The following SYNDIG1 variants were observed in gnomAD, a reference collection of about 807,000 sequenced individuals.
SYNDIG1 encodes synapse differentiation inducing 1, also known as synapse differentiation-inducing gene protein 1.
A neutral mutation model predicts 19.4 loss-of-function variants in SYNDIG1; 9 were observed. The ratio of observed to expected loss-of-function variants is 0.46; its 90% CI spans 0.28 to 0.81. The LOEUF is 0.81. SYNDIG1 is among the 30% of genes least tolerant of loss of function. SYNDIG1 has a pLI of 0.12. For synonymous variants in SYNDIG1, 141 were observed against 145.9 expected, an observed-to-expected ratio of 0.97 and a Z score of 0.24; for missense variants, 311 against 343.3, an observed-to-expected ratio of 0.91 and a Z score of 0.74.
At chr20:24,655,420 C>T (rs777495207) in intron 3 of SYNDIG1, among the ~76,000 whole-genome samples, 1 of 152,108 alleles carries the variant, frequency 6.6e-6, no homozygotes, top group East Asian at 1.9e-4. Context: ...TCCAAGAAAG[C>T]GAACTCTTCA....
intron 3 of SYNDIG1, among the ~76,000 whole-genome samples, chr20:24,639,541 T>G (rs2059350588): frequency 6.6e-6 from 1 of 152,212 alleles, no homozygotes; most frequent in African/African-American, 2.4e-5. Context: ...ATGGGGACAC[T>G]GCCACCACCC....
chr20:24,488,124 G>A (rs546350924), intron 1 of SYNDIG1, among the ~76,000 whole-genome samples: 18 of 152,198 alleles, frequency 1.2e-4, no homozygotes, highest in Admixed American at 3.9e-4. Context: ...AGAAAAAAAT[G>A]GACTAGAAAT....
At chr20:24,532,128 T>A (rs1293595968) in intron 1 of SYNDIG1, among the ~76,000 whole-genome samples, 1 of 152,182 alleles carries the variant, frequency 6.6e-6, no homozygotes, top group Non-Finnish European at 1.5e-5. Flanking sequence ...TTATTCTCAC[T>A]ATATACCTGC....
chr20:24,538,809 G>C (rs2057411937), intron 1 of SYNDIG1, among the ~76,000 whole-genome samples: 1 of 151,346 alleles, frequency 6.6e-6, no homozygotes, highest in Non-Finnish European at 1.5e-5. Context: ...CAGTGAGTAT[G>C]AGGTCATATC....
At chr20:24,617,537 G>A (rs1425056727) in intron 3 of SYNDIG1, among the ~76,000 whole-genome samples, 1 of 152,172 alleles carries the variant, frequency 6.6e-6, no homozygotes, top group Non-Finnish European at 1.5e-5. Context: ...CTGAGAACTC[G>A]ACTTTGTCAG....
chr20:24,661,903 G>A (rs1006042462), intron 3 of SYNDIG1, among the ~76,000 whole-genome samples: 11 of 152,222 alleles, frequency 7.2e-5, no homozygotes, highest in Non-Finnish European at 5.9e-5. Flanking sequence ...AGGGTGGGGG[G>A]TTCCACCAGA....
intron 2 of SYNDIG1, among the ~76,000 whole-genome samples, chr20:24,545,134 G>A (rs1409727565): frequency 6.6e-6 from 1 of 152,218 alleles, no homozygotes; most frequent in Non-Finnish European, 1.5e-5. Flanking sequence ...GGAGCTGAGA[G>A]ATCCAGCGTT....
intron 1 of SYNDIG1, among the ~76,000 whole-genome samples, chr20:24,524,465 G>A (rs1345646772): frequency 1.3e-5 from 2 of 152,108 alleles, no homozygotes; most frequent in African/African-American, 4.8e-5. Context: ...CTAACAAGGC[G>A]AAACCCCGTC....
At chr20:24,518,584 A>G (rs577390605) in intron 1 of SYNDIG1, among the ~76,000 whole-genome samples, 4 of 152,338 alleles carry the variant, frequency 2.6e-5, no homozygotes, top group African/African-American at 9.6e-5. Context: ...TACAAGAGAA[A>G]TTCCTTGTTT....
chr20:24,560,275 T>C (rs781063191), intron 2 of SYNDIG1, among the ~76,000 whole-genome samples: 3 of 151,904 alleles, frequency 2.0e-5, no homozygotes, highest in Non-Finnish European at 2.9e-5. Context: ...TCCACTATGT[T>C]GGCCAGGCTG....
intron 3 of SYNDIG1, among the ~76,000 whole-genome samples, chr20:24,599,654 A>T (rs1350108844): frequency 6.6e-6 from 1 of 152,242 alleles, no homozygotes; most frequent in East Asian, 1.9e-4. Flanking sequence ...ATTTGGCCAT[A>T]ACAAAGAATG....
intron 2 of SYNDIG1, among the ~76,000 whole-genome samples, chr20:24,557,359 C>T (rs555586294): frequency 6.6e-6 from 1 of 152,306 alleles, no homozygotes; most frequent in Non-Finnish European, 1.5e-5. Context: ...GAACTGCGTT[C>T]CTTTGGAGGA....
intron 3 of SYNDIG1, among the ~76,000 whole-genome samples, chr20:24,633,701 G>A (rs755715195): frequency 6.6e-6 from 1 of 152,136 alleles, no homozygotes; most frequent in African/African-American, 2.4e-5. Flanking sequence ...CTGCTGACTC[G>A]GAAGCTCTGG....
chr20:24,664,958 A>T (rs1389607454), intron 3 of SYNDIG1, among the ~76,000 whole-genome samples: 1 of 152,156 alleles, frequency 6.6e-6, no homozygotes, highest in African/African-American at 2.4e-5. Flanking sequence ...ATTCAAATAA[A>T]CAAGCACACC....
Position 24,481,951 on chromosome 20 carries a change from A to G in SYNDIG1, c.-79+12198A>G, listed in dbSNP as rs114898842. On this transcript the variant is annotated intron_variant, in intron 1 of 3. Transcript: ENST00000376862. ...AAAAAAATTGATAAAGATTAAATAT[A>G]TATATATGTACACATTCTATACAAC... Among the ~76,000 whole-genome samples the G allele has an allele frequency of 3.1e-3, 473 of 152,350 alleles. 1 individual carries two copies. Among genetic ancestry groups the G allele is most frequent in the African/African-American group, 0.011 (460 of 41,576 alleles).
At position 24,563,520 on chromosome 20, in the gene SYNDIG1, G is replaced by A. The variant is rs2057984364; in HGVS notation, c.480+19943G>A. Among the ~76,000 whole-genome samples the A allele has an allele frequency of 2.0e-5, 3 of 152,114 alleles. No homozygotes were observed. The South Asian group carries it at 6.2e-4, about 32-fold the overall frequency. On this transcript the variant is annotated intron_variant, in intron 2 of 3. Transcript: ENST00000376862. ...CCTAAATGACCACATGCTGCGTGTTGACCAGCTCCTCATCCTTATCACTCC... is the reference window on the plus strand; with the variant it reads ...CCTAAATGACCACATGCTGCGTGTTAACCAGCTCCTCATCCTTATCACTCC...
intron 2 of SYNDIG1, among the ~76,000 whole-genome samples, chr20:24,573,372 A>C (rs551995299): frequency 6.6e-6 from 1 of 152,070 alleles, no homozygotes. Context: ...TGTGTGTGTG[A>C]TGCCCACTCC....
Position 24,543,023 on chromosome 20 carries a change from A to T in SYNDIG1, c.-75A>T. ...TCTCTGTTTTCTCCTCCTCCAGGAGAAATGGCTTCCCTGAGGCAAGTGTAA... is the reference window on the plus strand; with the variant it reads ...TCTCTGTTTTCTCCTCCTCCAGGAGTAATGGCTTCCCTGAGGCAAGTGTAA... On this transcript the variant is annotated 5_prime_UTR_variant, in exon 2 of 4. Transcript: ENST00000376862. 2 of 1,551,046 alleles carry T rather than the reference A, an allele frequency of 1.3e-6. No homozygotes were observed. Among genetic ancestry groups the T allele is most frequent in the Non-Finnish European group, 8.7e-7 (1 of 1,147,372 alleles).
At chr20:24,600,336 A>G (rs1418073792) in intron 3 of SYNDIG1, among the ~76,000 whole-genome samples, 1 of 152,194 alleles carries the variant, frequency 6.6e-6, no homozygotes, top group Non-Finnish European at 1.5e-5. Context: ...GTTTGAAAAT[A>G]ACAGTCAGAA....
Sources: allele counts gnomAD v4.1 joint callset (sites outside exome capture counted in the v4.1 genomes callset), GRCh38; gene constraint gnomAD v4.1.1; transcripts MANE v1.5; gene names NCBI Gene and HGNC (gene_info 2026-07-23, HGNC 2026-07-21).